The following DNAH8 variants were observed in gnomAD, a reference collection of about 807,000 sequenced individuals.
DNAH8 encodes the protein dynein axonemal heavy chain 8, also known as axonemal beta dynein heavy chain 8.
DNAH8 carries 382 observed loss-of-function variants against 562.1 expected under a neutral mutation model. The ratio of observed to expected loss-of-function variants is 0.68; its 90% CI spans 0.63 to 0.74. The LOEUF (loss-of-function observed/expected upper bound fraction) is 0.74, where lower values mean the gene tolerates loss of function less well. Among genes scored for constraint, DNAH8 ranks in the 30% least tolerant of loss-of-function variants. DNAH8 has a pLI of 0.00. For missense variants in DNAH8, 5,203 were observed against 5,620.4 expected, an observed-to-expected ratio of 0.93 and a Z score of 2.37; for synonymous variants, 1,881 against 1,919.4, an observed-to-expected ratio of 0.98 and a Z score of 0.52.
At chr6:38,843,624 A>G (rs1316044655) in intron 35 of DNAH8, among the ~76,000 whole-genome samples, 1 of 152,176 alleles carries the variant, frequency 6.6e-6, no homozygotes, top group Non-Finnish European at 1.5e-5. Flanking sequence ...CTATACTTCA[A>G]CAACTCCAAA....
chr6:38,930,683 C>T (rs1476521775), intron 75 of DNAH8, among the ~76,000 whole-genome samples: 2 of 152,088 alleles, frequency 1.3e-5, no homozygotes, highest in Non-Finnish European at 1.5e-5. Context: ...ATATTATGGA[C>T]TCATCCACAA....
chr6:38,899,055 A>G (rs1053610061), intron 61 of DNAH8, among the ~76,000 whole-genome samples: 1 of 152,214 alleles, frequency 6.6e-6, no homozygotes, highest in Non-Finnish European at 1.5e-5. Context: ...GTATTTTTTT[A>G]AAAATTATTT....
chr6:38,924,276 G>A (rs1172717597), intron 73 of DNAH8, 114 bp downstream of exon 73: 8 of 967,668 alleles, frequency 8.3e-6, no homozygotes, highest in Non-Finnish European at 1.2e-5. Context: ...ACTTTGGGAG[G>A]CTGAGGAGGG....
intron 82 of DNAH8, among the ~76,000 whole-genome samples, chr6:38,955,228 C>T (rs1762165487): frequency 6.6e-6 from 1 of 152,120 alleles, no homozygotes; most frequent in Non-Finnish European, 1.5e-5. Flanking sequence ...CCCTCCTTGG[C>T]CTCCTAAAGT....
At chr6:38,868,400 T>C (rs1346290431) in intron 48 of DNAH8, among the ~76,000 whole-genome samples, 1 of 152,164 alleles carries the variant, frequency 6.6e-6, no homozygotes, top group Non-Finnish European at 1.5e-5. Context: ...GTGCCTCCTT[T>C]TATCAGCTGT....
At chr6:38,788,445 C>T (rs948111897) in intron 18 of DNAH8, among the ~76,000 whole-genome samples, 5 of 152,154 alleles carry the variant, frequency 3.3e-5, no homozygotes, top group African/African-American at 7.2e-5. Context: ...CCACTGCGCC[C>T]GGCCTATTGT....
intron 79 of DNAH8, among the ~76,000 whole-genome samples, chr6:38,943,154 G>A (rs561876435): frequency 2.0e-5 from 3 of 152,322 alleles, no homozygotes; most frequent in South Asian, 4.1e-4. Flanking sequence ...GAGCAGGGAT[G>A]TGGCATGAAC....
intron 33 of DNAH8, among the ~76,000 whole-genome samples, chr6:38,841,564 C>G (rs571213619): frequency 1.3e-5 from 2 of 152,196 alleles, no homozygotes; most frequent in South Asian, 4.2e-4. Flanking sequence ...AAACTGAATC[C>G]AGTAGAACCT....
At chr6:38,880,216 C>T (rs770381760) in intron 53 of DNAH8, among the ~76,000 whole-genome samples, 2 of 151,998 alleles carry the variant, frequency 1.3e-5, no homozygotes, top group Non-Finnish European at 2.9e-5. Flanking sequence ...CACTGCACTC[C>T]GGCCTGGGAG....
intron 33 of DNAH8, among the ~76,000 whole-genome samples, chr6:38,841,280 G>C (rs751762608): frequency 2.6e-5 from 4 of 152,042 alleles, no homozygotes; most frequent in Non-Finnish European, 5.9e-5. Flanking sequence ...TTAGCCGGGC[G>C]TGGTGGCATC....
At chr6:38,724,080 G>A (rs149485480) in intron 3 of DNAH8, among the ~76,000 whole-genome samples, 2,235 of 151,616 alleles carry the variant, frequency 0.015, 43 homozygotes, top group South Asian at 0.11. Context: ...CTTGCCTTCC[G>A]GATTCTCCTG....
chr6:38,826,411 T>TC lies in DNAH8; in HGVS notation c.4083+20_4083+21insC. The TC allele has an allele frequency of 6.6e-7, 1 of 1,510,036 alleles. No individual in the cohort carries two copies. Among genetic ancestry groups the TC allele is most frequent in the Non-Finnish European group, 9.0e-7 (1 of 1,109,078 alleles). The allele number at this position is 1,510,036 out of a possible 1,614,324, so 93.5% of individuals were successfully genotyped here. A position where few individuals can be genotyped will look rare whatever the true frequency, so the allele number is the denominator to read the frequency against. On this transcript the variant is annotated intron_variant, in intron 29 of 92. Coordinates refer to ENST00000327475, the MANE Select transcript of DNAH8 (RefSeq NM_001206927.2). ...ATTGAAGTAAGAAATGATTGCATTT[T>TC]TTTTTCTTGGAATGCTTTTTTGTTT...
In DNAH8 at chr6:38,842,653, T is replaced by C; in HGVS notation, c.4605-10T>C. On this transcript the variant is annotated splice_polypyrimidine_tract_variant and intron_variant, in intron 34 of 92. Transcript: ENST00000327475. Reference sequence around the variant, plus strand: ...AGGTGGCATATTTTTTTTCTCTTTCTTTCTGAAAGATGTCGTAAACTTCCA... The same window carrying C: ...AGGTGGCATATTTTTTTTCTCTTTCCTTCTGAAAGATGTCGTAAACTTCCA... The C allele has an allele frequency of 6.2e-7, 1 of 1,607,020 alleles. No homozygotes were observed. Among genetic ancestry groups the C allele is most frequent in the Non-Finnish European group, 8.5e-7 (1 of 1,177,820 alleles).
intron 70 of DNAH8, among the ~76,000 whole-genome samples, chr6:38,918,589 G>A (rs1781477935): frequency 6.6e-6 from 1 of 152,122 alleles, no homozygotes; most frequent in Non-Finnish European, 1.5e-5. Flanking sequence ...AACCTAAAAG[G>A]TTGTTTACAA....
intron 91 of DNAH8, among the ~76,000 whole-genome samples, chr6:39,020,312 A>C (rs545344222): frequency 1.2e-4 from 19 of 152,216 alleles, no homozygotes; most frequent in African/African-American, 4.6e-4. Context: ...CCACTTGTCA[A>C]ACTTGTTCTT....
At chr6:38,958,327 A>G (rs954891699) in intron 82 of DNAH8, among the ~76,000 whole-genome samples, 1 of 151,928 alleles carries the variant, frequency 6.6e-6, no homozygotes, top group Non-Finnish European at 1.5e-5. Context: ...TAAAAGTACA[A>G]ATGATCAACA....
chr6:39,000,052 GA>G (rs1485510762), intron 88 of DNAH8, among the ~76,000 whole-genome samples: 1 of 152,180 alleles, frequency 6.6e-6, no homozygotes, highest in African/African-American at 2.4e-5. Flanking sequence ...AAATATTGAA[GA>G]ATTGCTGTCC....
intron 21 of DNAH8, among the ~76,000 whole-genome samples, chr6:38,797,274 T>C (rs1380666760): frequency 6.6e-6 from 1 of 152,090 alleles, no homozygotes; most frequent in Admixed American, 6.5e-5. Context: ...GGTGCATGCC[T>C]GTAATCCCAG....
chr6:38,772,097 C>T (rs769152281), intron 12 of DNAH8, among the ~76,000 whole-genome samples: 109 of 145,722 alleles, frequency 7.5e-4, no homozygotes, highest in Non-Finnish European at 1.1e-3. Flanking sequence ...GGCGTGATCT[C>T]GGCTCACTGC....
Sources: gnomAD v4.1 joint callset for allele counts (sites outside exome capture counted in the v4.1 genomes callset) on GRCh38, gnomAD v4.1.1 for gene constraint, MANE v1.5 for transcripts, NCBI Gene and HGNC (gene_info 2026-07-23, HGNC 2026-07-21) for gene names.